The following OR6N2 variants were observed in gnomAD, a reference collection of about 807,000 sequenced individuals.
OR6N2 encodes the protein olfactory receptor family 6 subfamily N member 2.
For synonymous variants in OR6N2, 160 were observed against 138.3 expected, an observed-to-expected ratio of 1.16 and a Z score of -1.10; for missense variants, 399 against 379.7, an observed-to-expected ratio of 1.05 and a Z score of -0.42.
At position 158,779,049 on chromosome 1, in the gene OR6N2, A is replaced by G. The variant is rs1277348924; in HGVS notation, c.-6-1408T>C. 8.1e-5 allele frequency among the ~76,000 whole-genome samples: 12 copies of G among 147,750 alleles called. No homozygotes were observed. In the East Asian group the frequency reaches 2.4e-3, roughly 29 times the overall value. ...AAAAAAAAAGAATGCAGATTCAAAA[A>G]CAAACATGATAGAGTGGCAATAAAC... is the stretch of plus-strand genomic sequence containing the variant. On this transcript the variant is annotated intron_variant, in intron 1 of 1. Transcript: ENST00000641131.
chr1:158,779,485 T>A (rs1395549338), intron 1 of OR6N2, among the ~76,000 whole-genome samples: 1 of 152,234 alleles, frequency 6.6e-6, no homozygotes, highest in Non-Finnish European at 1.5e-5. Context: ...TCCTTGCAAC[T>A]CTACCACTCA....
rs1224364907 is a variant in OR6N2 at position 158,775,631 on chromosome 1, G to A, written c.*1051C>T. The A allele has an allele frequency of 6.6e-6, 1 of 152,172 alleles. No homozygotes were observed. The highest frequency in any genetic ancestry group is 1.5e-5 in the Non-Finnish European group (1 of 68,022). The allele number at this position is 152,172 out of a possible 1,614,324, so 9.4% of individuals were successfully genotyped here. On this transcript the variant is annotated 3_prime_UTR_variant, in exon 2 of 2. Coordinates refer to ENST00000641131, the MANE Select transcript of OR6N2 (RefSeq NM_001005278.2). ...AATAGAATGAGAGTAGGAGAAAGGAGCATGGGTAGAATATTATTACATTAA... is the reference window on the plus strand; with the variant it reads ...AATAGAATGAGAGTAGGAGAAAGGAACATGGGTAGAATATTATTACATTAA...
intron 1 of OR6N2, among the ~76,000 whole-genome samples, chr1:158,779,611 C>G (rs377718985): frequency 6.6e-6 from 1 of 152,294 alleles, no homozygotes; most frequent in South Asian, 2.1e-4. Context: ...AAAGACTCTT[C>G]TTGATTCTCT....
Position 158,774,848 on chromosome 1 carries a change from G to A in OR6N2, c.*1834C>T, listed in dbSNP as rs559566478. 6.6e-6 allele frequency: 1 copy of A among 152,284 alleles called. No individual in the cohort carries two copies. The highest frequency in any genetic ancestry group is 2.1e-4 in the South Asian group (1 of 4,828). The allele number at this position is 152,284 out of a possible 1,614,324, so 9.4% of individuals were successfully genotyped here. A position where few individuals can be genotyped will look rare whatever the true frequency, so the allele number is the denominator to read the frequency against. ...TTGAGGTGGGATGTGCAGAAAACTGGTGAGTACAAATAGGGAAGACCGATG... is the reference window on the plus strand; with the variant it reads ...TTGAGGTGGGATGTGCAGAAAACTGATGAGTACAAATAGGGAAGACCGATG... On this transcript the variant is annotated 3_prime_UTR_variant, in exon 2 of 2. Coordinates refer to ENST00000641131, the MANE Select transcript of OR6N2 (RefSeq NM_001005278.2).
intron 1 of OR6N2, among the ~76,000 whole-genome samples, chr1:158,780,723 T>A (rs1657731366): frequency 6.6e-6 from 1 of 152,190 alleles, no homozygotes; most frequent in Non-Finnish European, 1.5e-5. Flanking sequence ...GTAGAAAAAT[T>A]GTAAGTAGAA....
rs1657721316 is a variant in OR6N2 at position 158,780,311 on chromosome 1, C to T, written c.-7+859G>A. ...ACTGTATGTGTAGAACAAGTAAGGC[C>T]TAGCAAACATAATAATTTCAGGAGC... On this transcript the variant is annotated intron_variant, in intron 1 of 1. Coordinates refer to ENST00000641131, the MANE Select transcript of OR6N2 (RefSeq NM_001005278.2). Among the ~76,000 whole-genome samples, 3 of 152,156 alleles carry T rather than the reference C, an allele frequency of 2.0e-5. No individual in the cohort carries two copies. The South Asian group carries it at 6.2e-4, about 32-fold the overall frequency.
Position 158,776,693 on chromosome 1 carries a change from C to G in OR6N2, c.943G>C (p.Ala315Pro), listed in dbSNP as rs765658238. ...IFQKGDKASLAHL is the reference protein window; with the variant it reads ...IFQKGDKASLPHL ...ACATGGGAAGAAAGTCAAAGATGAG[C>G]AAGACTAGCTTTATCTCCCTTCTGG... Residue 315 changes from alanine to proline, a missense_variant, in exon 2 of 2, where the codon GCT becomes CCT. By Grantham distance (27) the Ala-to-Pro change is conservative. Transcript: ENST00000641131. 1.1e-5 allele frequency: 17 copies of G among 1,592,930 alleles called. No individual in the cohort carries two copies. The highest frequency in any genetic ancestry group is 1.5e-5 in the Non-Finnish European group (17 of 1,166,924).
chr1:158,777,408 G>C lies in OR6N2; in HGVS notation c.228C>G (p.Thr76=), dbSNP rs764765917. 4.9e-5 allele frequency: 79 copies of C among 1,613,996 alleles called. No homozygotes were observed. The highest frequency in any genetic ancestry group is 6.3e-5 in the Non-Finnish European group (74 of 1,179,972). The change falls in exon 2 of 2, where the codon ACC becomes ACG. Residue 76 remains threonine (T), a synonymous_variant. Transcript: ENST00000641131. Reference sequence around the variant, plus strand: ...TATTAGACAACATCTTAGGGATAGTGGTAGCTGTATACCACAACTCCAAGA... The same window carrying C: ...TATTAGACAACATCTTAGGGATAGTCGTAGCTGTATACCACAACTCCAAGA... ...LSFLELWYTA[T]TIPKMLSNIL...
chr1:158,778,487 CT>C (rs1657665768), intron 1 of OR6N2, among the ~76,000 whole-genome samples: 2 of 152,216 alleles, frequency 1.3e-5, no homozygotes, highest in African/African-American at 4.8e-5. Flanking sequence ...ACATGTTCCC[CT>C]CTATGGTAAC....
rs1300987360 is a variant in OR6N2, at chr1:158,777,178, A to T, written c.458T>A (p.Phe153Tyr). ...KMAAACWTCG[F>Y]LCPISEVILA... ...GATGACCTCAGAAATGGGACACAGG[A>T]AGCCACAAGTCCAACAAGCAGCAGC... is the stretch of plus-strand genomic sequence containing the variant. Residue 153 changes from phenylalanine (F) to tyrosine (Y), a missense_variant, in exon 2 of 2, where the codon TTC (phenylalanine) becomes TAC (tyrosine). Transcript: ENST00000641131. 17 of 1,614,120 alleles carry T rather than the reference A, an allele frequency of 1.1e-5. No individual in the cohort carries two copies. Among genetic ancestry groups the T allele is most frequent in the Non-Finnish European group, 1.4e-5 (17 of 1,180,028 alleles).
Position 158,779,668 on chromosome 1 carries a change from A to G in OR6N2, c.-7+1502T>C, listed in dbSNP as rs181230072. ...ATTCACCTCTCCAATTACAGGAGAC[A>G]GATATGTTAAAAAAAGAAATTCTCG... On this transcript the variant is annotated intron_variant, in intron 1 of 1. Coordinates refer to ENST00000641131, the MANE Select transcript of OR6N2 (RefSeq NM_001005278.2). Among the ~76,000 whole-genome samples the G allele has an allele frequency of 2.1e-3, 319 of 152,340 alleles. 7 individuals are homozygous for G. Among genetic ancestry groups the G allele is most frequent in the African/African-American group, 6.9e-3 (287 of 41,584 alleles).
At chr1:158,777,697 G>A in intron 1 of OR6N2, 56 bp from the exon 2 acceptor site, 2 of 1,051,308 alleles carry the variant, frequency 1.9e-6, no homozygotes, top group Non-Finnish European at 2.8e-6. Flanking sequence ...CTGAATCCAT[G>A]CCAAAACTTC....
chr1:158,777,057 A>G lies in OR6N2; in HGVS notation c.579T>C (p.Ser193=), dbSNP rs16841094. ...TGGCAAAGTCCACCAGAATGTTAGC[A>G]GATGTGTCCTTGCAGGCCAAGCTCA... The part of the protein sequence containing the change: ...PLLSLACKDT[S]ANILVDFAIN... Residue 193 remains serine, a synonymous_variant, in exon 2 of 2, where the codon TCT becomes TCC. Transcript: ENST00000641131. 151,180 of 1,613,954 alleles carry G rather than the reference A, an allele frequency of 0.094. 10,480 individuals are homozygous for G. The highest frequency in any genetic ancestry group is 0.3 in the South Asian group (27,280 of 91,070).
intron 1 of OR6N2, among the ~76,000 whole-genome samples, chr1:158,779,233 A>T (rs1237914264): frequency 6.6e-6 from 1 of 152,172 alleles, no homozygotes; most frequent in Non-Finnish European, 1.5e-5. Context: ...AAAATTCACA[A>T]TGCAACTTTA....
rs755285039 is a variant in OR6N2, at chr1:158,777,411, A to G, written c.225T>C (p.Ala75=). Residue 75 remains alanine, a synonymous_variant, in exon 2 of 2, where the codon GCT becomes GCC. Coordinates refer to ENST00000641131, the MANE Select transcript of OR6N2 (RefSeq NM_001005278.2). ...VLSFLELWYT[A]TTIPKMLSNI... ...TAGACAACATCTTAGGGATAGTGGT[A>G]GCTGTATACCACAACTCCAAGAAGG... 6.2e-7 allele frequency: 1 copy of G among 1,614,152 alleles called. No homozygotes were observed. The highest frequency in any genetic ancestry group is 8.5e-7 in the Non-Finnish European group (1 of 1,179,946).
intron 1 of OR6N2, among the ~76,000 whole-genome samples, chr1:158,778,523 C>A (rs1161469444): frequency 6.6e-6 from 1 of 152,184 alleles, no homozygotes; most frequent in Non-Finnish European, 1.5e-5. Flanking sequence ...TCACTCAATG[C>A]TTTAAGACCT....
chr1:158,779,387 G>C lies in OR6N2; in HGVS notation c.-6-1746C>G, dbSNP rs185760340. On this transcript the variant is annotated intron_variant, in intron 1 of 1. Coordinates refer to ENST00000641131, the MANE Select transcript of OR6N2 (RefSeq NM_001005278.2). ...CATCATCCTGACACTCGTCACAATGGCTGTCACATTAAAAGTATTCAATAA... is the reference window on the plus strand; with the variant it reads ...CATCATCCTGACACTCGTCACAATGCCTGTCACATTAAAAGTATTCAATAA... Among the ~76,000 whole-genome samples the C allele has an allele frequency of 2.5e-3, 381 of 152,178 alleles. 1 individual carries two copies. Among genetic ancestry groups the C allele is most frequent in the African/African-American group, 8.8e-3 (364 of 41,486 alleles).
At chr1:158,777,731 T>G (rs888234086) in intron 1 of OR6N2, 90 bp from the exon 2 acceptor site, 2 of 748,278 alleles carry the variant, frequency 2.7e-6, no homozygotes, top group African/African-American at 3.5e-5. Context: ...TCTTTTTAAC[T>G]TAAAAGTAGC....
In OR6N2 at chr1:158,777,056, C is replaced by G. The variant is rs754460122; in HGVS notation, c.580G>C (p.Ala194Pro). ...LLSLACKDTS[A>P]NILVDFAINA... ...ATGGCAAAGTCCACCAGAATGTTAG[C>G]AGATGTGTCCTTGCAGGCCAAGCTC... is the stretch of plus-strand genomic sequence containing the variant. Residue 194 changes from alanine to proline, a missense_variant, in exon 2 of 2, where the codon GCT becomes CCT. Physicochemically the swap from Ala to Pro is conservative, Grantham distance 27. Coordinates refer to ENST00000641131, the MANE Select transcript of OR6N2 (RefSeq NM_001005278.2). The G allele has an allele frequency of 6.2e-7, 1 of 1,613,928 alleles. No individual in the cohort carries two copies. Among genetic ancestry groups the G allele is most frequent in the Non-Finnish European group, 8.5e-7 (1 of 1,179,974 alleles).
Sources: allele counts gnomAD v4.1 joint callset (sites outside exome capture counted in the v4.1 genomes callset), GRCh38; gene constraint gnomAD v4.1.1; transcripts MANE v1.5; gene names NCBI Gene and HGNC (gene_info 2026-07-23, HGNC 2026-07-21).